Variants in ANKRD36B observed in about 807,000 individuals in gnomAD.
ANKRD36B encodes ankyrin repeat domain 36B.
In ANKRD36B, 37 loss-of-function variants were observed where a neutral mutation model predicts 135.7. The ratio of observed to expected loss-of-function variants is 0.27; its 90% CI spans 0.21 to 0.36. ANKRD36B has a LOEUF of 0.36. Ranked by LOEUF, ANKRD36B falls within the 10% of genes least tolerant of loss-of-function variation. The pLI is 1.00. For synonymous variants in ANKRD36B, 179 were observed against 348.1 expected (o/e 0.51, Z 5.41); for missense variants, 549 against 1,037.1 (o/e 0.53, Z 6.46).
chr2:97,576,060 A>G (rs2082212560), intron 6 of ANKRD36B, among the ~76,000 whole-genome samples: 1 of 132,704 alleles, frequency 7.5e-6, no homozygotes, highest in African/African-American at 2.5e-5. Flanking sequence ...AATTATATAA[A>G]AAGTCTAATT....
chr2:97,575,668 GT>G (rs1488809598), intron 6 of ANKRD36B, among the ~76,000 whole-genome samples: 22 of 147,640 alleles, frequency 1.5e-4, no homozygotes, highest in Non-Finnish European at 3.0e-4. Context: ...AACTATTATT[GT>G]TTTTTTATAA....
chr2:97,556,852 A>G (rs1322058806), intron 12 of ANKRD36B, 85 bp downstream of exon 12: 3 of 1,514,572 alleles, frequency 2.0e-6, no homozygotes, highest in Non-Finnish European at 2.7e-6. Context: ...TGCATTTTCA[A>G]TGACACCCCA....
chr2:97,577,936 G>A (rs1446569242), intron 5 of ANKRD36B, among the ~76,000 whole-genome samples: 1 of 151,734 alleles, frequency 6.6e-6, no homozygotes, highest in Non-Finnish European at 1.5e-5. Flanking sequence ...TACAGATCTG[G>A]TAGCAATAAA....
At chr2:97,563,719 T>C (rs1005724134) in intron 6 of ANKRD36B, among the ~76,000 whole-genome samples, 3 of 152,108 alleles carry the variant, frequency 2.0e-5, no homozygotes, top group African/African-American at 7.2e-5. Context: ...CAAAAAGACA[T>C]GCTTTAAGGG....
At chr2:97,551,160 T>A in intron 18 of ANKRD36B, 129 bp downstream of exon 18, 6 of 1,304,576 alleles carry the variant, frequency 4.6e-6, no homozygotes, top group Non-Finnish European at 5.3e-6. Flanking sequence ...AAGAACTTAT[T>A]AGAAATGAAG....
chr2:97,550,502 T>G (rs1479231513), intron 18 of ANKRD36B, among the ~76,000 whole-genome samples: 1 of 151,910 alleles, frequency 6.6e-6, no homozygotes, highest in Non-Finnish European at 1.5e-5. Context: ...TAAAGAAGTT[T>G]CATTAAACAG....
chr2:97,513,116 A>G, intron 38 of ANKRD36B, 64 bp downstream of exon 38: 2 of 1,447,862 alleles, frequency 1.4e-6, no homozygotes, highest in Non-Finnish European at 1.8e-6. Context: ...TGTTAAATGA[A>G]AGAGATGGTA....
chr2:97,556,178 G>GA (rs1248166155), intron 12 of ANKRD36B, among the ~76,000 whole-genome samples: 1 of 151,288 alleles, frequency 6.6e-6, no homozygotes, highest in African/African-American at 2.4e-5. Flanking sequence ...AAATGCTTTG[G>GA]AAAAAAGCTT....
intron 28 of ANKRD36B, among the ~76,000 whole-genome samples, chr2:97,540,557 C>T (rs558654954): frequency 0.013 from 1,292 of 96,094 alleles, 456 homozygotes; most frequent in Non-Finnish European, 0.029. Flanking sequence ...ACTCATACAC[C>T]TGAGAATCAA....
chr2:97,551,597 A>T, intron 16 of ANKRD36B, 117 bp from the exon 17 acceptor site: 1 of 1,494,384 alleles, frequency 6.7e-7, no homozygotes, highest in Admixed American at 1.8e-5. Flanking sequence ...GTAGGTTTTG[A>T]TGGCTTCTAC....
chr2:97,588,439 T>C (rs2083179810), intron 1 of ANKRD36B, among the ~76,000 whole-genome samples: 1 of 151,998 alleles, frequency 6.6e-6, no homozygotes, highest in Admixed American at 6.5e-5. Context: ...TTCTAACCTG[T>C]TCCATTCACT....
chr2:97,536,304 T>C lies in ANKRD36B; in HGVS notation c.2187A>G (p.Thr729=). 1.1e-6 allele frequency: 1 copy of C among 930,934 alleles called. No individual in the cohort carries two copies. The highest frequency in any genetic ancestry group is 1.7e-5 in the African/African-American group (1 of 59,348). The allele number at this position is 930,934 out of a possible 1,614,324, so 57.7% of individuals were successfully genotyped here. A position where few individuals can be genotyped will look rare whatever the true frequency, so the allele number is the denominator to read the frequency against. The stretch of plus-strand genomic sequence containing the variant: ...AATCTACAATGCAAAGTTTACCTGG[T>C]GTGGATGTTTGTACCTCCTTCATTT... ...ATKMKEVQTS[T]PAEQDLEMAS... The change falls in exon 34 of 44, where the codon ACA becomes ACG. Residue 729 remains threonine (T), a synonymous_variant. Transcript: ENST00000359901.
At chr2:97,574,674 T>G (rs1212813944) in intron 6 of ANKRD36B, among the ~76,000 whole-genome samples, 1 of 152,188 alleles carries the variant, frequency 6.6e-6, no homozygotes, top group Non-Finnish European at 1.5e-5. Context: ...TCGGGATGTA[T>G]GTGCTTTGGA....
chr2:97,551,046 G>A (rs1423887685), intron 18 of ANKRD36B, among the ~76,000 whole-genome samples: 1 of 151,852 alleles, frequency 6.6e-6, no homozygotes, highest in Non-Finnish European at 1.5e-5. Flanking sequence ...AGCCCCTTAT[G>A]TCTTCAACTG....
In ANKRD36B at chr2:97,579,029, AG is replaced by A. The variant is rs777245803; in HGVS notation, c.571del (p.Ala192LeufsTer9). The A allele has an allele frequency of 6.2e-7, 1 of 1,609,098 alleles. No homozygotes were observed. Among genetic ancestry groups the A allele is most frequent in the Non-Finnish European group, 8.5e-7 (1 of 1,177,022 alleles). On this transcript the variant is annotated frameshift_variant, in exon 5 of 44. Transcript: ENST00000359901. LOFTEE classifies it high-confidence loss of function. Reference protein sequence around the residue: ...IDYLGRSALILAVTLGEKDIV... With the variant: ...IDYLGRSALIXAVTLGEKDIV... ...ATCTTTTTCTCCAAGAGTAACAGCA[AG>A]TATGAGGGCTGATCTAAAATAACAG...
intron 8 of ANKRD36B, 34 bp from the exon 9 acceptor site, chr2:97,559,028 T>C (rs751752465): frequency 6.9e-6 from 11 of 1,602,364 alleles, no homozygotes; most frequent in Non-Finnish European, 8.5e-6. Context: ...ATCACTCACA[T>C]GTACATATGA....
rs1204863891 is a variant in ANKRD36B at position 97,578,941 on chromosome 2, A to G, written c.660T>C (p.Leu220=). 7 of 1,613,082 alleles carry G rather than the reference A, an allele frequency of 4.3e-6. 1 individual carries two copies. The South Asian group carries it at 7.7e-5, about 18-fold the overall frequency. The change falls in exon 5 of 44, where the codon CTT becomes CTC. Residue 220 remains leucine (L), a synonymous_variant. Coordinates refer to ENST00000359901, the MANE Select transcript of ANKRD36B (RefSeq NM_001393939.1). ...CAGCCTCACTGGCATAATCTTCTGCAAGCTTTCCATACACATCTCGAGAAA... is the reference window on the plus strand; with the variant it reads ...CAGCCTCACTGGCATAATCTTCTGCGAGCTTTCCATACACATCTCGAGAAA... The part of the protein sequence containing the change: ...DVFSRDVYGK[L]AEDYASEAEN...
At chr2:97,567,008 T>C (rs982076638) in intron 6 of ANKRD36B, among the ~76,000 whole-genome samples, 22 of 151,944 alleles carry the variant, frequency 1.4e-4, no homozygotes, top group African/African-American at 4.8e-4. Context: ...GAACTTCTAA[T>C]CAACTTCCAG....
At chr2:97,565,230 A>C (rs13412331) in intron 6 of ANKRD36B, among the ~76,000 whole-genome samples, 10,775 of 152,038 alleles carry the variant, frequency 0.071, 971 homozygotes, top group African/African-American at 0.21. Context: ...GACTATGAGG[A>C]AGTTGCTTAT....
Sources: gnomAD v4.1 joint callset for allele counts (sites outside exome capture counted in the v4.1 genomes callset) on GRCh38, gnomAD v4.1.1 for gene constraint, MANE v1.5 for transcripts, NCBI Gene and HGNC (gene_info 2026-07-23, HGNC 2026-07-21) for gene names.